Variants in RXRA observed in about 807,000 individuals in gnomAD.
RXRA encodes retinoic acid receptor RXR-alpha.
In RXRA, 5 loss-of-function variants were observed where a neutral mutation model predicts 44.5. The observed-to-expected ratio is 0.11, with a 90% CI of 0.06 to 0.24. The LOEUF (loss-of-function observed/expected upper bound fraction) is 0.24. Ranked by LOEUF, RXRA falls within the 10% of genes least tolerant of loss-of-function variation. The pLI, the probability that RXRA is intolerant of heterozygous loss-of-function variation, is 1.00. For missense variants in RXRA, 412 were observed against 646.5 expected, an observed-to-expected ratio of 0.64 and a Z score of 3.93; for synonymous variants, 291 against 271.4, an observed-to-expected ratio of 1.07 and a Z score of -0.71.
rs949108688 is a variant in RXRA, at chr9:134,407,729, G to T, written c.280-420G>T. ...CTGGGCTTCGGCGTCCTCATGTGTG[G>T]GTTGGGACCCCCCAGAGTGCCTGCC... On this transcript the variant is annotated intron_variant, in intron 2 of 9. Transcript: ENST00000481739. This position sits in a 1 kb window ranked among gnomAD's most constrained non-coding sequence, Gnocchi z 4.8. Among the ~76,000 whole-genome samples, 1 of 152,114 alleles carries T rather than the reference G, an allele frequency of 6.6e-6. No individual in the cohort carries two copies. The highest frequency in any genetic ancestry group is 2.4e-5 in the African/African-American group (1 of 41,416).
intron 7 of RXRA, among the ~76,000 whole-genome samples, chr9:134,430,119 C>T (rs1294280579): frequency 6.6e-6 from 1 of 152,212 alleles, no homozygotes; most frequent in Non-Finnish European, 1.5e-5. Flanking sequence ...ATCTCCTGAC[C>T]TCGTGATCCG....
At chr9:134,428,961 G>A in intron 6 of RXRA, 147 bp from the exon 7 acceptor site, 1 of 949,580 alleles carries the variant, frequency 1.1e-6, no homozygotes, top group South Asian at 1.6e-5. Context: ...CCTCTTTTCT[G>A]TGGAACACTT....
chr9:134,331,538 C>T (rs1451132152), intron 1 of RXRA, among the ~76,000 whole-genome samples: 1 of 152,228 alleles, frequency 6.6e-6, no homozygotes, highest in African/African-American at 2.4e-5. Flanking sequence ...CCCCAAGGAT[C>T]ATGGTGCTCC....
At chr9:134,424,721 G>C in intron 6 of RXRA, 1 of 985,490 alleles carries the variant, frequency 1.0e-6, no homozygotes. Flanking sequence ...CAGGTGGCTG[G>C]AGAGGACCTG....
At chr9:134,398,132 A>C (rs1389230268) in intron 1 of RXRA, among the ~76,000 whole-genome samples, 1 of 152,088 alleles carries the variant, frequency 6.6e-6, no homozygotes, top group Non-Finnish European at 1.5e-5. Flanking sequence ...GGCGTGCACC[A>C]CCATGCCCAG....
intron 1 of RXRA, among the ~76,000 whole-genome samples, chr9:134,344,445 G>A (rs1242522515): frequency 1.3e-5 from 2 of 152,224 alleles, no homozygotes; most frequent in African/African-American, 4.8e-5. Flanking sequence ...GGGGGAAACT[G>A]GAGGTTTCTT....
At chr9:134,397,732 G>A (rs1830900588) in intron 1 of RXRA, among the ~76,000 whole-genome samples, 1 of 152,156 alleles carries the variant, frequency 6.6e-6, no homozygotes, top group Non-Finnish European at 1.5e-5. Flanking sequence ...GGGGTGTGAG[G>A]GTCTGGGATT....
intron 1 of RXRA, among the ~76,000 whole-genome samples, chr9:134,357,830 T>G (rs964273217): frequency 6.6e-6 from 1 of 152,166 alleles, no homozygotes; most frequent in African/African-American, 2.4e-5. Flanking sequence ...TAAGTTTGTT[T>G]ATTGGTTTTT....
chr9:134,389,315 A>C (rs571164679), intron 1 of RXRA, among the ~76,000 whole-genome samples: 1 of 152,190 alleles, frequency 6.6e-6, no homozygotes, highest in East Asian at 1.9e-4. Context: ...TGCTCGTGGG[A>C]TCCAGAGAAG....
chr9:134,400,771 C>T (rs966310388), intron 1 of RXRA, among the ~76,000 whole-genome samples: 10 of 152,308 alleles, frequency 6.6e-5, no homozygotes, highest in East Asian at 1.9e-4. Context: ...GCCTCTCCTG[C>T]GGCCCTATGG....
At chr9:134,334,697 C>T (rs893190251) in intron 1 of RXRA, among the ~76,000 whole-genome samples, 5 of 152,234 alleles carry the variant, frequency 3.3e-5, no homozygotes, top group Non-Finnish European at 7.3e-5. Context: ...CTTCTTGGCA[C>T]CCTGGCTTTG....
At chr9:134,391,520 C>T (rs1401688071) in intron 1 of RXRA, among the ~76,000 whole-genome samples, 1 of 152,352 alleles carries the variant, frequency 6.6e-6, no homozygotes, top group Non-Finnish European at 1.5e-5. Context: ...GTGGGGCAGG[C>T]GGGGTTTCTC....
At chr9:134,414,411 C>T (rs922102593) in intron 4 of RXRA, among the ~76,000 whole-genome samples, 4 of 152,264 alleles carry the variant, frequency 2.6e-5, no homozygotes, top group African/African-American at 9.6e-5. Context: ...CTCTGAGCAC[C>T]TCCAGGCCCC....
chr9:134,326,840 C>A (rs1305917798), intron 1 of RXRA, among the ~76,000 whole-genome samples, 181 bp downstream of exon 1: 1 of 135,710 alleles, frequency 7.4e-6, no homozygotes, highest in Admixed American at 7.2e-5. Flanking sequence ...CCCGGGGCAA[C>A]TTTTCGCGGG....
At position 134,434,192 on chromosome 9, in the gene RXRA, C is replaced by A; in HGVS notation, c.1226C>A (p.Pro409Gln). 6.2e-7 allele frequency: 1 copy of A among 1,613,422 alleles called. No individual in the cohort carries two copies. The highest frequency in any genetic ancestry group is 8.5e-7 in the Non-Finnish European group (1 of 1,179,590). The change falls in exon 9 of 10, where the codon CCA (proline) becomes CAA (glutamine). Residue 409 changes from proline to glutamine, a missense_variant. Pro to Gln is a moderately conservative substitution (Grantham distance 76). Coordinates refer to ENST00000481739, the MANE Select transcript of RXRA (RefSeq NM_002957.6). ...SLEAYCKHKY[P>Q]EQPGRFAKLL... The stretch of plus-strand genomic sequence containing the variant: ...GAGGCCTACTGCAAGCACAAGTACC[C>A]AGAGCAGCCGGGAAGGTGGGTCCCG...
chr9:134,326,925 G>C (rs563401325), intron 1 of RXRA, among the ~76,000 whole-genome samples: 177 of 150,256 alleles, frequency 1.2e-3, no homozygotes, highest in African/African-American at 4.1e-3. Flanking sequence ...GACGAGGAGG[G>C]GTCTCCCGCT....
intron 1 of RXRA, among the ~76,000 whole-genome samples, chr9:134,331,956 T>C (rs1835013323): frequency 6.6e-6 from 1 of 152,214 alleles, no homozygotes; most frequent in African/African-American, 2.4e-5. Flanking sequence ...TTGCTGGTCT[T>C]GGCCCGAGTG....
At chr9:134,339,555 C>T (rs1314614922) in intron 1 of RXRA, among the ~76,000 whole-genome samples, 1 of 134,664 alleles carries the variant, frequency 7.4e-6, no homozygotes, top group Admixed American at 7.4e-5. Context: ...GTGTGAGTCT[C>T]TGCATACCCA....
chr9:134,384,792 G>T (rs971651662), intron 1 of RXRA, among the ~76,000 whole-genome samples: 1 of 152,210 alleles, frequency 6.6e-6, no homozygotes, highest in Non-Finnish European at 1.5e-5. Flanking sequence ...CTGGGCTTTT[G>T]TGGGCAGTGG....
Sources: gnomAD v4.1 joint callset for allele counts (sites outside exome capture counted in the v4.1 genomes callset) on GRCh38, gnomAD v4.1.1 for gene constraint, Gnocchi (gnomAD v3.1) non-coding constraint, MANE v1.5 for transcripts, NCBI Gene and HGNC (gene_info 2026-07-23, HGNC 2026-07-21) for gene names.